The following PSMA1 variants were observed in gnomAD, a reference collection of about 807,000 sequenced individuals.
PSMA1 encodes the protein proteasome subunit alpha type-1.
PSMA1 carries 3 observed loss-of-function variants against 38.4 expected under a neutral mutation model. The observed-to-expected ratio is 0.08, with a 90% CI of 0.04 to 0.20. The LOEUF is 0.20. PSMA1 is among the 10% of genes least tolerant of loss of function. The pLI is 1.00. For missense variants in PSMA1, 227 were observed against 325.3 expected (o/e 0.70, Z 2.32); for synonymous variants, 101 against 107.1 (o/e 0.94, Z 0.35).
At chr11:14,620,972 C>T (rs1024324403) in intron 1 of PSMA1, among the ~76,000 whole-genome samples, 1 of 152,120 alleles carries the variant, frequency 6.6e-6, no homozygotes, top group Non-Finnish European at 1.5e-5. Flanking sequence ...CAGTATTATA[C>T]AAGAAAAAAT....
intron 2 of PSMA1, among the ~76,000 whole-genome samples, chr11:14,599,924 T>C (rs1378131085): frequency 6.6e-6 from 1 of 152,240 alleles, no homozygotes; most frequent in Non-Finnish European, 1.5e-5. Context: ...GATGGGGTTT[T>C]GGTGTAGATG....
chr11:14,641,706 T>C (rs1358890943), intron 1 of PSMA1, among the ~76,000 whole-genome samples: 1 of 152,208 alleles, frequency 6.6e-6, no homozygotes, highest in Non-Finnish European at 1.5e-5. Context: ...AAAACAGTCA[T>C]TTGACACAAT....
intron 2 of PSMA1, among the ~76,000 whole-genome samples, chr11:14,559,466 G>C (rs570396117): frequency 6.6e-6 from 1 of 152,180 alleles, no homozygotes; most frequent in Non-Finnish European, 1.5e-5. Context: ...CAATGGGTGC[G>C]GGCAGATAAG....
chr11:14,629,648 C>T (rs1300521946), intron 1 of PSMA1, among the ~76,000 whole-genome samples: 48 of 152,182 alleles, frequency 3.2e-4, no homozygotes, highest in African/African-American at 2.9e-4. Context: ...CTTGGTGATG[C>T]GGGCTCTTTT....
At chr11:14,574,350 G>A (rs1589996765) in intron 2 of PSMA1, among the ~76,000 whole-genome samples, 1 of 152,276 alleles carries the variant, frequency 6.6e-6, no homozygotes, top group East Asian at 1.9e-4. Flanking sequence ...TCCAGATGTG[G>A]CTCAAAGTTA....
At chr11:14,527,665 G>A (rs1007796941) in intron 2 of PSMA1, among the ~76,000 whole-genome samples, 11 of 152,128 alleles carry the variant, frequency 7.2e-5, no homozygotes, top group South Asian at 2.1e-4. Flanking sequence ...CTTGGTCTGC[G>A]TAGACACTTT....
intron 2 of PSMA1, among the ~76,000 whole-genome samples, chr11:14,589,861 C>T (rs1025632584): frequency 1.3e-5 from 2 of 152,104 alleles, no homozygotes; most frequent in East Asian, 1.9e-4. Context: ...ACGCTGTACA[C>T]TCGATTAGGA....
chr11:14,606,966 C>T (rs1356244002), intron 2 of PSMA1, among the ~76,000 whole-genome samples: 1 of 152,172 alleles, frequency 6.6e-6, no homozygotes. Context: ...GCTGGTCTCC[C>T]TGTGCAGGAG....
intron 1 of PSMA1, among the ~76,000 whole-genome samples, chr11:14,631,663 C>T (rs1235971875): frequency 6.6e-6 from 1 of 152,174 alleles, no homozygotes; most frequent in South Asian, 2.1e-4. Context: ...GTGGAGACTT[C>T]TGTAGATGTC....
At chr11:14,546,845 T>C (rs1192020789) in intron 2 of PSMA1, among the ~76,000 whole-genome samples, 1 of 152,218 alleles carries the variant, frequency 6.6e-6, no homozygotes, top group African/African-American at 2.4e-5. Flanking sequence ...CAGTTGGATA[T>C]AGAGTGGGAG....
At chr11:14,592,586 C>T (rs1014513433) in intron 2 of PSMA1, among the ~76,000 whole-genome samples, 3 of 152,008 alleles carry the variant, frequency 2.0e-5, no homozygotes, top group Non-Finnish European at 2.9e-5. Flanking sequence ...GGGGTTTCAC[C>T]GTGTTAGCCA....
chr11:14,536,596 G>A (rs978241373), intron 2 of PSMA1, among the ~76,000 whole-genome samples: 4 of 151,260 alleles, frequency 2.6e-5, no homozygotes, highest in Non-Finnish European at 5.9e-5. Context: ...GACAAAGGCA[G>A]CATTTAAAAA....
chr11:14,566,323 G>T (rs1413462459), intron 2 of PSMA1, among the ~76,000 whole-genome samples: 1 of 152,188 alleles, frequency 6.6e-6, no homozygotes, highest in East Asian at 1.9e-4. Context: ...GGAGCAGAGG[G>T]GTAGCAGTGG....
chr11:14,547,876 G>A (rs548240096), intron 2 of PSMA1, among the ~76,000 whole-genome samples: 18 of 152,240 alleles, frequency 1.2e-4, no homozygotes, highest in African/African-American at 4.1e-4. Context: ...GATTGGAACA[G>A]AACTTAATCC....
At chr11:14,615,090 G>C (rs1030709828) in intron 1 of PSMA1, among the ~76,000 whole-genome samples, 2 of 152,180 alleles carry the variant, frequency 1.3e-5, no homozygotes, top group South Asian at 4.1e-4. Context: ...TATAGCCCAT[G>C]CAAGTTCTTT....
At chr11:14,531,918 T>C (rs1447310555) in intron 2 of PSMA1, among the ~76,000 whole-genome samples, 1 of 152,188 alleles carries the variant, frequency 6.6e-6, no homozygotes, top group African/African-American at 2.4e-5. Flanking sequence ...GATTATGTAT[T>C]ACCTTCTCCC....
intron 7 of PSMA1, among the ~76,000 whole-genome samples, chr11:14,511,213 G>C (rs1851337195): frequency 6.6e-6 from 1 of 152,064 alleles, no homozygotes; most frequent in Non-Finnish European, 1.5e-5. Context: ...TCAAAATCCC[G>C]ACTATAAATT....
chr11:14,508,979 A>G (rs1851296497), intron 8 of PSMA1, among the ~76,000 whole-genome samples: 2 of 152,092 alleles, frequency 1.3e-5, no homozygotes, highest in African/African-American at 4.8e-5. Context: ...AGTCCTCACA[A>G]TGCTTGTCTA....
chr11:14,632,164 A>G (rs1853026858), intron 1 of PSMA1, among the ~76,000 whole-genome samples: 1 of 145,322 alleles, frequency 6.9e-6, no homozygotes, highest in African/African-American at 2.7e-5. Flanking sequence ...TAGTCCATTT[A>G]CATTTAAAGT....
Sources: allele counts gnomAD v4.1 joint callset (sites outside exome capture counted in the v4.1 genomes callset), GRCh38; gene constraint gnomAD v4.1.1; transcripts MANE v1.5; gene names NCBI Gene and HGNC (gene_info 2026-07-23, HGNC 2026-07-21).